Variants in PAFAH2 observed in about 807,000 individuals in gnomAD.
PAFAH2 encodes platelet activating factor acetylhydrolase 2.
A neutral mutation model predicts 49.0 loss-of-function variants in PAFAH2; 42 were observed. The ratio of observed to expected loss-of-function variants is 0.86; its 90% confidence interval spans 0.67 to 1.11. The LOEUF (loss-of-function observed/expected upper bound fraction) is 1.11. Among genes scored for constraint, PAFAH2 ranks in the 50% least tolerant of loss-of-function variants. The probability of loss-of-function intolerance (pLI) is 0.00; values close to 1 mark genes in which losing one functional copy is unlikely to be tolerated. For synonymous variants in PAFAH2, 184 were observed against 181.3 expected, an observed-to-expected ratio of 1.01 and a Z score of -0.12; for missense variants, 503 against 501.8, an observed-to-expected ratio of 1.00 and a Z score of -0.02.
chr1:25,977,014 C>CT (rs201548055), intron 7 of PAFAH2, among the ~76,000 whole-genome samples: 1,598 of 88,346 alleles, frequency 0.018, 203 homozygotes, highest in African/African-American at 0.061. Flanking sequence ...TTCATGTTTA[C>CT]TTTTTTTTTT....
rs1229929493 is a variant in PAFAH2, at chr1:25,984,036, GT to G, written c.461del (p.Asn154ThrfsTer36). 18 of 1,614,020 alleles carry G rather than the reference GT, an allele frequency of 1.1e-5. No homozygotes were observed. The highest frequency in any genetic ancestry group is 1.5e-5 in the Non-Finnish European group (18 of 1,180,032). ...CCTGCAGCGATTCATTGGTGGGCTG[GT>G]TCTCTTCTGGGGCCTGCTTGCAGAA... Reference protein sequence around the residue: ...TYFCKQAPEENQPTNESLQEE... With the variant: ...TYFCKQAPEEXQPTNESLQEE... On this transcript the variant is annotated frameshift_variant, in exon 6 of 11. Coordinates refer to ENST00000374282, the MANE Select transcript of PAFAH2 (RefSeq NM_000437.4). LOFTEE classifies it high-confidence loss of function.
intron 6 of PAFAH2, among the ~76,000 whole-genome samples, chr1:25,983,179 T>C (rs568088144): frequency 1.3e-5 from 2 of 151,938 alleles, no homozygotes; most frequent in African/African-American, 4.8e-5. Context: ...TCGCTTGAGT[T>C]CAGGAGTTTG....
At chr1:25,989,308 C>A in intron 3 of PAFAH2, 140 bp downstream of exon 3, 1 of 690,276 alleles carries the variant, frequency 1.4e-6, no homozygotes. Flanking sequence ...TCTCCCAACT[C>A]TCCATACCAC....
chr1:25,970,264 C>T (rs1381472665), intron 10 of PAFAH2, among the ~76,000 whole-genome samples: 2 of 152,050 alleles, frequency 1.3e-5, no homozygotes, highest in South Asian at 2.1e-4. Flanking sequence ...GTTAGGAGTT[C>T]GAGACCAGCC....
intron 1 of PAFAH2, among the ~76,000 whole-genome samples, chr1:25,996,102 T>A (rs896182637): frequency 1.3e-5 from 2 of 151,912 alleles, no homozygotes; most frequent in Non-Finnish European, 2.9e-5. Context: ...ATGCCTATAA[T>A]CCCAGAACTT....
In PAFAH2 at chr1:25,972,678, A is replaced by G; in HGVS notation, c.964T>C (p.Phe322Leu). 1.9e-6 allele frequency: 3 copies of G among 1,613,982 alleles called. No individual in the cohort carries two copies. Among genetic ancestry groups the G allele is most frequent in the Non-Finnish European group, 2.5e-6 (3 of 1,179,862 alleles). ...TTACCAATCAAGTTGCCAGTCACAA[A>G]AGCAAAGTCAGTTTGACTCCGATGA... ...SVHRSQTDFA[F>L]VTGNLIGKFF... Residue 322 changes from phenylalanine (F) to leucine (L), a missense_variant, in exon 10 of 11, where the codon TTT (phenylalanine) becomes CTT (leucine). Coordinates refer to ENST00000374282, the MANE Select transcript of PAFAH2 (RefSeq NM_000437.4).
chr1:25,972,588 C>T lies in PAFAH2; in HGVS notation c.1054G>A (p.Ala352Thr), dbSNP rs201929511. The change falls in exon 10 of 11, where the codon GCC becomes ACC. Residue 352 changes from alanine (A) to threonine (T), a missense_variant. By Grantham distance (58) the Ala-to-Thr change is moderately conservative (BLOSUM62 0). Transcript: ENST00000374282. ...PYEGQEVMVRAMLAFLQKHLD... is the reference protein window; with the variant it reads ...PYEGQEVMVRTMLAFLQKHLD... ...TGCTTCTGCAGGAAGGCCAACATGG[C>T]CCGTACCATAACCTCCTGCCCTTCA... is the stretch of plus-strand genomic sequence containing the variant. The T allele has an allele frequency of 9.3e-5, 150 of 1,613,840 alleles. No homozygotes were observed. Among genetic ancestry groups the T allele is most frequent in the Non-Finnish European group, 1.1e-4 (133 of 1,179,854 alleles).
Position 25,974,494 on chromosome 1 carries a change from C to T in PAFAH2, c.915G>A (p.Arg305=), listed in dbSNP as rs765550526. The T allele has an allele frequency of 1.1e-5, 18 of 1,613,024 alleles. No individual in the cohort carries two copies. Among genetic ancestry groups the T allele is most frequent in the South Asian group, 4.4e-5 (4 of 90,898 alleles). ...GGTTTACTCACAGAACGGTTATGAT[C>T]CTAGACTGTTCATGCTGGGCACATA... ...KKICAQHEQS[R]IITVLGSVHR... is the part of the protein sequence containing the mutation. Residue 305 remains arginine (R), a synonymous_variant, in exon 9 of 11, where the codon AGG becomes AGA. Coordinates refer to ENST00000374282, the MANE Select transcript of PAFAH2 (RefSeq NM_000437.4).
Position 25,976,749 on chromosome 1 carries a change from C to A in PAFAH2, c.691G>T (p.Ala231Ser), listed in dbSNP as rs765969186. 1 of 1,614,182 alleles carries A rather than the reference C, an allele frequency of 6.2e-7. No homozygotes were observed. Among genetic ancestry groups the A allele is most frequent in the Non-Finnish European group, 8.5e-7 (1 of 1,180,022 alleles). ...CCTCCAAATGAATGTCCCATCACAG[C>A]CACACGGCTCATGTCAATGTTGCCC... ...LKGNIDMSRV[A>S]VMGHSFGGAT... Residue 231 changes from alanine (A) to serine (S), a missense_variant, in exon 8 of 11, where the codon GCT becomes TCT. Physicochemically the swap from Ala to Ser is moderately conservative, Grantham distance 99 (BLOSUM62 1). Coordinates refer to ENST00000374282, the MANE Select transcript of PAFAH2 (RefSeq NM_000437.4).
chr1:25,985,224 G>C (rs2049765183), intron 4 of PAFAH2, among the ~76,000 whole-genome samples: 1 of 152,208 alleles, frequency 6.6e-6, no homozygotes. Flanking sequence ...GCCTTCCAGA[G>C]CCTGTTTGCC....
intron 4 of PAFAH2, 70 bp from the exon 5 acceptor site, chr1:25,984,598 A>G: frequency 8.3e-7 from 1 of 1,204,546 alleles, no homozygotes; most frequent in Non-Finnish European, 1.2e-6. Context: ...CATTCCAACA[A>G]TGCTCTGCTA....
intron 10 of PAFAH2, among the ~76,000 whole-genome samples, chr1:25,971,718 C>A (rs563545356): frequency 6.6e-6 from 1 of 152,268 alleles, no homozygotes; most frequent in South Asian, 2.1e-4. Context: ...AGTTTGTGAA[C>A]CTCTAGTCTT....
chr1:25,990,985 T>A, intron 1 of PAFAH2, 122 bp from the exon 2 acceptor site: 1 of 579,906 alleles, frequency 1.7e-6, no homozygotes, highest in Non-Finnish European at 3.1e-6. Flanking sequence ...CTGCCGTCGC[T>A]CATTAAATCT....
intron 4 of PAFAH2, among the ~76,000 whole-genome samples, chr1:25,987,275 A>AATAAAATAAAATAAC (rs1243058048): frequency 1.3e-5 from 2 of 151,206 alleles, no homozygotes; most frequent in Non-Finnish European, 3.0e-5. Flanking sequence ...AATAAAATAA[A>AATAAAATAAAATAAC]ATAAAATAAA....
rs186101481 is a variant in PAFAH2, at chr1:25,969,777, A to G, written c.1084+2781T>C. Among the ~76,000 whole-genome samples, 4 of 152,144 alleles carry G rather than the reference A, an allele frequency of 2.6e-5. No homozygotes were observed. The South Asian group carries it at 6.2e-4, about 24-fold the overall frequency. On this transcript the variant is annotated intron_variant, in intron 10 of 10. Transcript: ENST00000374282. ...GGGTATTGCTTTTAAAGGGAGCCCA[A>G]TCGTGCCATGGTGGGCTTCCCATCA...
intron 1 of PAFAH2, among the ~76,000 whole-genome samples, chr1:25,993,171 T>C (rs1037674739): frequency 1.3e-5 from 2 of 152,192 alleles, no homozygotes. Context: ...CCTTTCTTGG[T>C]TAAACCAACT....
chr1:25,981,593 A>C (rs2124349006), intron 7 of PAFAH2, among the ~76,000 whole-genome samples: 1 of 152,290 alleles, frequency 6.6e-6, no homozygotes, highest in Middle Eastern at 3.4e-3. Context: ...CAGAAGTGAG[A>C]ATGTAACCTA....
intron 4 of PAFAH2, among the ~76,000 whole-genome samples, chr1:25,985,100 G>A (rs1401348035): frequency 2.0e-5 from 3 of 151,820 alleles, no homozygotes; most frequent in East Asian, 3.9e-4. Flanking sequence ...CTCGTGATCC[G>A]CCCACCTCGG....
At chr1:25,979,955 A>G (rs190886369) in intron 7 of PAFAH2, among the ~76,000 whole-genome samples, 1 of 152,224 alleles carries the variant, frequency 6.6e-6, no homozygotes, top group Non-Finnish European at 1.5e-5. Context: ...CCTGGACCTC[A>G]GTGCCCAGGG....
Sources: allele counts gnomAD v4.1 joint callset (sites outside exome capture counted in the v4.1 genomes callset), GRCh38; gene constraint gnomAD v4.1.1; transcripts MANE v1.5; gene names NCBI Gene and HGNC (gene_info 2026-07-23, HGNC 2026-07-21).